The following TUBGCP4 variants were observed in gnomAD, a reference collection of about 807,000 sequenced individuals.
TUBGCP4 encodes the protein tubulin gamma complex component 4, also known as gamma-tubulin complex component 4.
TUBGCP4 carries 54 observed loss-of-function variants against 91.6 expected under a neutral mutation model. The observed-to-expected ratio is 0.59, with a 90% CI of 0.47 to 0.74. The LOEUF (loss-of-function observed/expected upper bound fraction) is 0.74, where lower values mean the gene tolerates loss of function less well. TUBGCP4 is among the 30% of genes least tolerant of loss of function. The pLI, the probability that TUBGCP4 is intolerant of heterozygous loss-of-function variation, is 0.00. For missense variants in TUBGCP4, 593 were observed against 800.9 expected (o/e 0.74, Z 3.13); for synonymous variants, 297 against 302.8 (o/e 0.98, Z 0.20).
chr15:43,374,575 G>T (rs988532454), intron 1 of TUBGCP4, among the ~76,000 whole-genome samples: 2 of 152,012 alleles, frequency 1.3e-5, no homozygotes, highest in African/African-American at 2.4e-5. Context: ...ACCCACCACT[G>T]TATTCCAGTC....
chr15:43,393,581 T>C (rs139784177), intron 9 of TUBGCP4, among the ~76,000 whole-genome samples: 1 of 152,166 alleles, frequency 6.6e-6, no homozygotes, highest in Non-Finnish European at 1.5e-5. Flanking sequence ...TATCTCCTAA[T>C]GCTATCCCTC....
At chr15:43,395,768 C>T in intron 11 of TUBGCP4, 80 bp downstream of exon 11, 2 of 1,170,052 alleles carry the variant, frequency 1.7e-6, no homozygotes, top group Non-Finnish European at 2.6e-6. Context: ...CCTTTTAAGG[C>T]CTGCTCCACA....
Position 43,407,127 on chromosome 15 carries a change from T to TAA in TUBGCP4, c.*1914_*1915dup. On this transcript the variant is annotated 3_prime_UTR_variant, in exon 18 of 18. Coordinates refer to ENST00000564079, the MANE Select transcript of TUBGCP4 (RefSeq NM_014444.5). The stretch of plus-strand genomic sequence containing the variant: ...TGGCCAGCTGTCCTCCGTAAGTGAA[T>TAA]AAGCCTGTTGAAAGACTCAGAGAAA... The TAA allele has an allele frequency of 2.4e-6, 1 of 416,618 alleles. No individual in the cohort carries two copies. The highest frequency in any genetic ancestry group is 4.4e-6 in the Non-Finnish European group (1 of 229,092). 25.8% of individuals were successfully genotyped at this position (416,618 alleles called of 1,614,324 possible).
At chr15:43,401,916 G>C in intron 15 of TUBGCP4, 66 bp downstream of exon 15, 1 of 1,565,916 alleles carries the variant, frequency 6.4e-7, no homozygotes, top group Non-Finnish European at 8.7e-7. Flanking sequence ...GGCAGTTTGA[G>C]TTGACAGGAT....
chr15:43,399,577 C>G (rs1404104707), intron 13 of TUBGCP4, among the ~76,000 whole-genome samples: 1 of 152,176 alleles, frequency 6.6e-6, no homozygotes, highest in African/African-American at 2.4e-5. Flanking sequence ...AACCCCTGAG[C>G]TTAAGTAATT....
At chr15:43,398,820 C>T (rs149814884) in intron 13 of TUBGCP4, among the ~76,000 whole-genome samples, 2 of 152,282 alleles carry the variant, frequency 1.3e-5, no homozygotes, top group African/African-American at 4.8e-5. Context: ...CTTCAGTAAC[C>T]AGCAACATTA....
In TUBGCP4 at chr15:43,407,608, C is replaced by A; in HGVS notation, c.*2394C>A. 6.4e-7 allele frequency: 1 copy of A among 1,569,860 alleles called. No individual in the cohort carries two copies. ...AGGGAAAGTGAAGAAGGAAAGGACA[C>A]TCAACTTAGCCCTCCATTAGAAAGA... On this transcript the variant is annotated 3_prime_UTR_variant, in exon 18 of 18. Transcript: ENST00000564079.
chr15:43,371,463 G>A, intron 1 of TUBGCP4, 31 bp downstream of exon 1: 1 of 1,611,238 alleles, frequency 6.2e-7, no homozygotes, highest in Non-Finnish European at 8.5e-7. Flanking sequence ...CGGGAACCAG[G>A]GAGCGCAGGA....
intron 9 of TUBGCP4, among the ~76,000 whole-genome samples, chr15:43,387,064 T>C (rs750722830): frequency 2.4e-4 from 36 of 152,234 alleles, no homozygotes; most frequent in Non-Finnish European, 4.1e-4. Flanking sequence ...TCTTGTAGTT[T>C]AGTATGGCTC....
intron 9 of TUBGCP4, among the ~76,000 whole-genome samples, chr15:43,392,175 A>T (rs1162856648): frequency 7.6e-6 from 1 of 131,532 alleles, no homozygotes; most frequent in Non-Finnish European, 1.7e-5. Flanking sequence ...TTTCTTTATT[A>T]GTTTCTTCCT....
At position 43,404,769 on chromosome 15, in the gene TUBGCP4, A is replaced by G. The variant is rs920404937; in HGVS notation, c.1988+217A>G. On this transcript the variant is annotated intron_variant, in intron 17 of 17. Transcript: ENST00000564079. ...AAATACTAAAAAACCTGACAGTGAG[A>G]TAGGTGTTAAGTCCTTTGCTAGGTT... 9 of 577,378 alleles carry G rather than the reference A, an allele frequency of 1.6e-5. No individual in the cohort carries two copies. The Admixed American group carries it at 1.9e-4, about 12-fold the overall frequency. 35.8% of individuals were successfully genotyped at this position (577,378 alleles called of 1,614,324 possible).
At position 43,392,075 on chromosome 15, in the gene TUBGCP4, T is replaced by TACACACACAC. The variant is rs3986231; in HGVS notation, c.1015-2996_1015-2987dup. Among the ~76,000 whole-genome samples the TACACACACAC allele has an allele frequency of 3.3e-3, 433 of 133,170 alleles. 2 individuals carry two copies. The highest frequency in any genetic ancestry group is 6.7e-3 in the African/African-American group (244 of 36,430). 87.4% of individuals were successfully genotyped at this position (133,170 alleles called of 152,430 possible). On this transcript the variant is annotated intron_variant, in intron 9 of 17. Coordinates refer to ENST00000564079, the MANE Select transcript of TUBGCP4 (RefSeq NM_014444.5). ...GTCTCAAAATAAAATAAAATAGAGA[T>TACACACACAC]ACACACACACACACACACACACACA...
chr15:43,386,344 C>CATATCTATATATATATAT lies in TUBGCP4; in HGVS notation c.1014+14_1014+15insATATCTATATATATATAT, dbSNP rs1566894338. 1 of 245,008 alleles carries CATATCTATATATATATAT rather than the reference C, an allele frequency of 4.1e-6. No homozygotes were observed. Among genetic ancestry groups the CATATCTATATATATATAT allele is most frequent in the Non-Finnish European group, 6.6e-6 (1 of 151,906 alleles). 15.2% of individuals were successfully genotyped at this position (245,008 alleles called of 1,614,324 possible). A position where few individuals can be genotyped will look rare whatever the true frequency, so the allele number is the denominator to read the frequency against. Reference sequence around the variant, plus strand: ...ACTGTGGCTGAGGTTTGTGTTTCATCGTATATATATATATATATATATATA... The same window carrying CATATCTATATATATATAT: ...ACTGTGGCTGAGGTTTGTGTTTCATCATATCTATATATATATATGTATATATATATATATATATATATA... On this transcript the variant is annotated intron_variant, in intron 9 of 17. Transcript: ENST00000564079.
At chr15:43,394,998 G>T in intron 9 of TUBGCP4, 109 bp from the exon 10 acceptor site, 2 of 1,181,380 alleles carry the variant, frequency 1.7e-6, no homozygotes, top group Non-Finnish European at 1.3e-6. Flanking sequence ...TCTATGTGGG[G>T]CAAGGTATAG....
In TUBGCP4 at chr15:43,376,998, A is replaced by T. The variant is rs201526369; in HGVS notation, c.331-16A>T. 4.3e-4 allele frequency: 692 copies of T among 1,609,938 alleles called. 1 individual carries two copies. The highest frequency in any genetic ancestry group is 5.5e-4 in the Non-Finnish European group (645 of 1,176,422). On this transcript the variant is annotated splice_polypyrimidine_tract_variant and intron_variant, in intron 3 of 17. Coordinates refer to ENST00000564079, the MANE Select transcript of TUBGCP4 (RefSeq NM_014444.5). ...TATTTTGTGTGGAGCTCTAATCACA[A>T]AGTTTTTTATTGCAGTTCCTGGGTG...
intron 14 of TUBGCP4, among the ~76,000 whole-genome samples, chr15:43,400,588 T>C (rs1181588163): frequency 1.3e-5 from 2 of 151,986 alleles, no homozygotes; most frequent in Admixed American, 6.6e-5. Context: ...TTTGTAGAGA[T>C]GGATTCTCAC....
rs536112362 is a variant in TUBGCP4, at chr15:43,401,249, G to A, written c.1597-467G>A. The stretch of plus-strand genomic sequence containing the variant: ...ACAGATCACCTGAGGTCAGGAGTTC[G>A]AGACCAACCTGGCCAACATAGTGAA... On this transcript the variant is annotated intron_variant, in intron 14 of 17. Transcript: ENST00000564079. Among the ~76,000 whole-genome samples the A allele has an allele frequency of 5.9e-5, 9 of 151,854 alleles. 1 individual carries two copies. The highest frequency in any genetic ancestry group is 8.8e-5 in the Non-Finnish European group (6 of 67,912).
In TUBGCP4 at chr15:43,406,373, C is replaced by G; in HGVS notation, c.*1159C>G. ...ACTGGGAAGCTCTGACAACTTATTCCCTGCTATTATCAACTAAAGATCACC... is the reference window on the plus strand; with the variant it reads ...ACTGGGAAGCTCTGACAACTTATTCGCTGCTATTATCAACTAAAGATCACC... On this transcript the variant is annotated 3_prime_UTR_variant, in exon 18 of 18. Coordinates refer to ENST00000564079, the MANE Select transcript of TUBGCP4 (RefSeq NM_014444.5). The G allele has an allele frequency of 3.2e-6, 1 of 313,802 alleles. No homozygotes were observed. Among genetic ancestry groups the G allele is most frequent in the Middle Eastern group, 1.1e-3 (1 of 880 alleles). 19.4% of individuals were successfully genotyped at this position (313,802 alleles called of 1,614,324 possible).
intron 9 of TUBGCP4, among the ~76,000 whole-genome samples, chr15:43,393,830 G>A (rs905854867): frequency 6.6e-6 from 1 of 151,996 alleles, no homozygotes; most frequent in African/African-American, 2.4e-5. Context: ...CCACATTTAC[G>A]ATTAACAAAA....
Sources: allele counts gnomAD v4.1 joint callset (sites outside exome capture counted in the v4.1 genomes callset), GRCh38; gene constraint gnomAD v4.1.1; transcripts MANE v1.5; gene names NCBI Gene and HGNC (gene_info 2026-07-23, HGNC 2026-07-21).